Variants in DIAPH2 observed in about 807,000 individuals in gnomAD.
The protein encoded by DIAPH2 is protein diaphanous homolog 2.
DIAPH2 carries 35 observed loss-of-function variants against 92.7 expected under a neutral mutation model. The observed-to-expected ratio is 0.38, with a 90% CI of 0.29 to 0.50. DIAPH2 has a LOEUF of 0.50. Among genes scored for constraint, DIAPH2 ranks in the 20% least tolerant of loss-of-function variants. The pLI, the probability that DIAPH2 is intolerant of heterozygous loss-of-function variation, is 0.94. For missense variants in DIAPH2, 701 were observed against 819.5 expected (o/e 0.86, Z 1.77); for synonymous variants, 301 against 280.4 (o/e 1.07, Z -0.73).
chrX:97,169,483 C>G (rs984162381), intron 22 of DIAPH2, among the ~76,000 whole-genome samples: 3 of 111,427 alleles, frequency 2.7e-5, no homozygotes, highest in African/African-American at 9.8e-5. Flanking sequence ...GAGGTTGTTT[C>G]AGTAATTGAG....
At chrX:97,482,205 G>T (rs749791642) in intron 26 of DIAPH2, among the ~76,000 whole-genome samples, 1 of 111,788 alleles carries the variant, frequency 8.9e-6, no homozygotes, top group Non-Finnish European at 1.9e-5. Flanking sequence ...TCTCTTTATG[G>T]CATTCTCAAT....
intron 26 of DIAPH2, among the ~76,000 whole-genome samples, chrX:97,588,996 A>AATATATATATATATATATATATATATAT (rs199558439): frequency 2.2e-4 from 7 of 31,710 alleles, no homozygotes; most frequent in Admixed American, 2.2e-3. Context: ...ATATTATAGA[A>AATATATATATATATATATATATATATAT]ATATATATAT....
intron 17 of DIAPH2, among the ~76,000 whole-genome samples, chrX:97,061,256 C>T (rs189770730): frequency 4.0e-3 from 445 of 111,889 alleles, no homozygotes; most frequent in Non-Finnish European, 6.8e-3. Flanking sequence ...AGATCTGTTG[C>T]TCTAAGGCCC....
chrX:97,317,126 A>G (rs2068847342), intron 23 of DIAPH2, among the ~76,000 whole-genome samples: 1 of 112,340 alleles, frequency 8.9e-6, no homozygotes, highest in African/African-American at 3.2e-5. Flanking sequence ...TCTGTGTTCA[A>G]TCTGTAAAGA....
intron 4 of DIAPH2, among the ~76,000 whole-genome samples, chrX:96,803,945 A>G (rs7064609): frequency 0.1 from 11,524 of 111,265 alleles, 542 homozygotes; most frequent in East Asian, 0.32. Flanking sequence ...AGGCTGAGGC[A>G]GGAGAATCGC....
At chrX:97,593,458 A>T (rs2071530155) in intron 26 of DIAPH2, among the ~76,000 whole-genome samples, 1 of 110,486 alleles carries the variant, frequency 9.1e-6, no homozygotes, top group Non-Finnish European at 1.9e-5. Context: ...TGAATTATAG[A>T]TAATTTAAAT....
rs1209615519 is a variant in DIAPH2, at chrX:96,788,319, A to G, written c.447+30061A>G. 6.3e-5 allele frequency among the ~76,000 whole-genome samples: 7 copies of G among 111,909 alleles called. No individual in the cohort carries two copies. The South Asian group carries it at 2.6e-3, about 42-fold the overall frequency. On this transcript the variant is annotated intron_variant, in intron 4 of 26. Transcript: ENST00000324765. ...TCTCACACCTGTAACCTGGAATGATAATAATTTATTTACTTCTTTGTCTCT... is the reference window on the plus strand; with the variant it reads ...TCTCACACCTGTAACCTGGAATGATGATAATTTATTTACTTCTTTGTCTCT...
chrX:97,574,450 C>CA (rs761462162), intron 26 of DIAPH2, among the ~76,000 whole-genome samples: 47,141 of 102,878 alleles, frequency 0.46, 7,924 homozygotes, highest in South Asian at 0.67. Flanking sequence ...TTACAGGTAC[C>CA]AAAAAAAAAA....
intron 18 of DIAPH2, 94 bp from the exon 19 acceptor site, chrX:97,075,073 A>G (rs1444937356): frequency 1.8e-6 from 1 of 541,562 alleles, no homozygotes; most frequent in East Asian, 4.5e-5. Flanking sequence ...GACAAATTTC[A>G]TATTTTGAGT....
chrX:97,501,556 G>A (rs1210064396), intron 26 of DIAPH2, among the ~76,000 whole-genome samples: 1 of 111,127 alleles, frequency 9.0e-6, no homozygotes, highest in Non-Finnish European at 1.9e-5. Context: ...ATGGCCTTTT[G>A]TTTTTTTCTT....
chrX:97,509,754 T>C (rs1456737841), intron 26 of DIAPH2, among the ~76,000 whole-genome samples: 5 of 106,592 alleles, frequency 4.7e-5, no homozygotes, highest in Non-Finnish European at 9.6e-5. Context: ...TGAGAACATG[T>C]GGTGTTTGGT....
chrX:97,137,647 C>T (rs141042929), intron 21 of DIAPH2, among the ~76,000 whole-genome samples: 1 of 110,240 alleles, frequency 9.1e-6, no homozygotes, highest in Non-Finnish European at 1.9e-5. Flanking sequence ...AAAGGAAGGG[C>T]GTCCACACAG....
At position 96,732,135 on chromosome X, in the gene DIAPH2, G is replaced by A. The variant is rs182853180; in HGVS notation, c.133-3623G>A. 6.4e-4 allele frequency among the ~76,000 whole-genome samples: 71 copies of A among 111,116 alleles called. No individual in the cohort carries two copies. The Admixed American group carries it at 6.7e-3, about 10-fold the overall frequency. On this transcript the variant is annotated intron_variant, in intron 1 of 26. Coordinates refer to ENST00000324765, the MANE Select transcript of DIAPH2 (RefSeq NM_006729.5). ...GCACCCATCCACATAAATGAATTTT[G>A]AGAGCTTGTCCCAGAAGACCATCAT... is the stretch of plus-strand genomic sequence containing the variant.
Position 96,945,728 on chromosome X carries a change from C to T in DIAPH2, c.1509+137C>T, listed in dbSNP as rs907882638. The T allele has an allele frequency of 2.8e-5, 11 of 391,047 alleles. No homozygotes were observed. The South Asian group carries it at 3.2e-4, about 11-fold the overall frequency. The allele number at this position is 391,047 out of a possible 1,213,427, so 32.2% of individuals were successfully genotyped here. ...TTATACTTTTGGGTTCAAACATAGC[C>T]GTGGAATATTGATTTATTTCCTTAT... On this transcript the variant is annotated intron_variant, in intron 14 of 26. Coordinates refer to ENST00000324765, the MANE Select transcript of DIAPH2 (RefSeq NM_006729.5).
chrX:96,876,150 C>T (rs1439809011), intron 4 of DIAPH2, among the ~76,000 whole-genome samples: 4 of 111,907 alleles, frequency 3.6e-5, no homozygotes, highest in East Asian at 2.8e-4. Context: ...CCAACAGACA[C>T]ATGAAAAAAT....
intron 1 of DIAPH2, among the ~76,000 whole-genome samples, chrX:96,729,355 T>C (rs2064040840): frequency 8.9e-6 from 1 of 112,237 alleles, no homozygotes; most frequent in Admixed American, 9.4e-5. Context: ...TTCCTGCAAT[T>C]GTTTCTGCTT....
chrX:97,380,331 T>C (rs2069540929), intron 24 of DIAPH2, among the ~76,000 whole-genome samples: 1 of 111,675 alleles, frequency 9.0e-6, no homozygotes, highest in African/African-American at 3.3e-5. Flanking sequence ...ATCTAATCAG[T>C]TGGCATTTCC....
intron 4 of DIAPH2, among the ~76,000 whole-genome samples, chrX:96,782,910 G>A (rs2064429584): frequency 9.0e-6 from 1 of 111,574 alleles, no homozygotes; most frequent in Non-Finnish European, 1.9e-5. Context: ...GGGGATGGGG[G>A]AAGCCACATT....
chrX:97,132,888 T>C (rs965322814), intron 21 of DIAPH2, among the ~76,000 whole-genome samples: 1 of 111,111 alleles, frequency 9.0e-6, no homozygotes, highest in African/African-American at 3.3e-5. Flanking sequence ...GTTAGGAATG[T>C]TTCCTTGACA....
Sources: gnomAD v4.1 joint callset for allele counts (sites outside exome capture counted in the v4.1 genomes callset) on GRCh38, gnomAD v4.1.1 for gene constraint, MANE v1.5 for transcripts, NCBI Gene and HGNC (gene_info 2026-07-23, HGNC 2026-07-21) for gene names.